The following PROS1 variants were observed in gnomAD, a reference collection of about 807,000 sequenced individuals.
PROS1 encodes the protein protein S, also known as vitamin K-dependent protein S.
A neutral mutation model predicts 75.9 loss-of-function variants in PROS1; 29 were observed. That is an observed-to-expected ratio of 0.38 (90% CI 0.28 to 0.52). The LOEUF is 0.52. Among genes scored for constraint, PROS1 ranks in the 20% least tolerant of loss-of-function variants. PROS1 has a pLI of 0.83. For missense variants in PROS1, 680 were observed against 810.3 expected (o/e 0.84, Z 1.95); for synonymous variants, 245 against 280.6 (o/e 0.87, Z 1.27).
intron 4 of PROS1, 124 bp from the exon 5 acceptor site, chr3:93,906,267 TTAAA>T: frequency 1.9e-6 from 2 of 1,032,190 alleles, no homozygotes; most frequent in Non-Finnish European, 2.8e-6. Flanking sequence ...ACTCCTTTCT[TTAAA>T]TAATACTTTT....
intron 1 of PROS1, among the ~76,000 whole-genome samples, chr3:93,968,735 TAAAG>T (rs1255339147): frequency 6.7e-6 from 1 of 150,252 alleles, no homozygotes; most frequent in African/African-American, 2.4e-5. Flanking sequence ...TGAAAAAAAA[TAAAG>T]AAATAAAAAT....
At chr3:93,884,150 A>C (rs1026667790) in intron 12 of PROS1, among the ~76,000 whole-genome samples, 1 of 152,228 alleles carries the variant, frequency 6.6e-6, no homozygotes, top group Non-Finnish European at 1.5e-5. Context: ...AAGATGCCCA[A>C]ATCTAAACCA....
intron 1 of PROS1, among the ~76,000 whole-genome samples, chr3:93,944,344 G>A (rs566771306): frequency 6.6e-6 from 1 of 152,040 alleles, no homozygotes; most frequent in Non-Finnish European, 1.5e-5. Context: ...AAACTGACTT[G>A]AGAAAAATCA....
chr3:93,934,355 A>T (rs1194604388), intron 1 of PROS1, among the ~76,000 whole-genome samples: 1 of 152,236 alleles, frequency 6.6e-6, no homozygotes, highest in Non-Finnish European at 1.5e-5. Flanking sequence ...GAAGCAATTG[A>T]AAAAATGTGA....
intron 3 of PROS1, among the ~76,000 whole-genome samples, chr3:93,912,950 T>A (rs1708782032): frequency 6.6e-6 from 1 of 152,216 alleles, no homozygotes; most frequent in South Asian, 2.1e-4. Context: ...AAAATTCATG[T>A]CCTTCTCATG....
chr3:93,957,872 C>T (rs945218796), intron 1 of PROS1, among the ~76,000 whole-genome samples: 2 of 151,978 alleles, frequency 1.3e-5, no homozygotes, highest in East Asian at 1.9e-4. Context: ...GGTGGATCAC[C>T]TGGATCAGGA....
chr3:93,952,104 G>C (rs1709508798), intron 1 of PROS1, among the ~76,000 whole-genome samples: 1 of 152,196 alleles, frequency 6.6e-6, no homozygotes, highest in Admixed American at 6.5e-5. Flanking sequence ...GACCTAGAAA[G>C]AGACTTAGAC....
intron 1 of PROS1, among the ~76,000 whole-genome samples, chr3:93,940,849 C>T (rs1709273468): frequency 6.6e-6 from 1 of 152,178 alleles, no homozygotes; most frequent in African/African-American, 2.4e-5. Flanking sequence ...TACAATTCCC[C>T]CATTTTACCT....
chr3:93,906,639 C>T (rs1209039359), intron 4 of PROS1, among the ~76,000 whole-genome samples: 1 of 152,232 alleles, frequency 6.6e-6, no homozygotes, highest in Non-Finnish European at 1.5e-5. Flanking sequence ...CCACTCCTTC[C>T]AAACTGGTGG....
intron 1 of PROS1, among the ~76,000 whole-genome samples, chr3:93,951,679 T>C (rs1238758252): frequency 6.6e-6 from 1 of 152,164 alleles, no homozygotes; most frequent in Non-Finnish European, 1.5e-5. Context: ...AGGAAGAAAC[T>C]GCATCAGCTA....
At chr3:93,902,090 C>T (rs1424480452) in intron 6 of PROS1, among the ~76,000 whole-genome samples, 1 of 151,628 alleles carries the variant, frequency 6.6e-6, no homozygotes, top group African/African-American at 2.4e-5. Flanking sequence ...GTGTTCGAGA[C>T]CAGCCTGAGC....
chr3:93,947,843 C>A (rs574257203), intron 1 of PROS1, among the ~76,000 whole-genome samples: 4 of 152,240 alleles, frequency 2.6e-5, no homozygotes, highest in Non-Finnish European at 4.4e-5. Context: ...GCTGGAATTA[C>A]AGGTGTGAGC....
Position 93,893,057 on chromosome 3 carries a change from A to T in PROS1, c.1031T>A (p.Ile344Asn), listed in dbSNP as rs1056698368. The T allele has an allele frequency of 3.7e-6, 6 of 1,613,934 alleles. No homozygotes were observed. Among genetic ancestry groups the T allele is most frequent in the Non-Finnish European group, 5.1e-6 (6 of 1,179,950 alleles). ...AATCAGGAGCCACGCTGAGTGATCG[A>T]TAGATTCTGCGTACAGTATCACGCC... ...SEGVILYAES[I>N]DHSAWLLIAL... The change falls in exon 10 of 15, where the codon ATC becomes AAC. Residue 344 changes from isoleucine to asparagine, a missense_variant. By Grantham distance (149) the Ile-to-Asn change is moderately radical (BLOSUM62 -3). Transcript: ENST00000394236.
chr3:93,944,803 G>C (rs1392551215), intron 1 of PROS1, among the ~76,000 whole-genome samples: 1 of 151,974 alleles, frequency 6.6e-6, no homozygotes, highest in Non-Finnish European at 1.5e-5. Flanking sequence ...AAATAACTAA[G>C]ATCAGAGCAG....
intron 1 of PROS1, among the ~76,000 whole-genome samples, chr3:93,950,614 T>G (rs1178492315): frequency 6.6e-6 from 1 of 152,238 alleles, no homozygotes; most frequent in Non-Finnish European, 1.5e-5. Flanking sequence ...GACCTGCAGC[T>G]GAGGTTCCTG....
chr3:93,875,787 T>A (rs1435057979), intron 14 of PROS1, among the ~76,000 whole-genome samples: 1 of 152,152 alleles, frequency 6.6e-6, no homozygotes, highest in African/African-American at 2.4e-5. Flanking sequence ...ATGAGCAGTT[T>A]AAGCAGTATA....
intron 2 of PROS1, among the ~76,000 whole-genome samples, 158 bp downstream of exon 2, chr3:93,927,092 G>A (rs1386078522): frequency 2.6e-5 from 4 of 152,188 alleles, no homozygotes; most frequent in Non-Finnish European, 5.9e-5. Flanking sequence ...ACTTTCCTTT[G>A]AAGGTACTTC....
chr3:93,973,477 T>C (rs1182769490), intron 1 of PROS1, 197 bp downstream of exon 1: 6 of 617,510 alleles, frequency 9.7e-6, no homozygotes, highest in Non-Finnish European at 1.5e-5. Context: ...TTCTCGCAAC[T>C]GTGCAAATAG....
At chr3:93,943,930 A>C (rs1289009414) in intron 1 of PROS1, among the ~76,000 whole-genome samples, 1 of 152,104 alleles carries the variant, frequency 6.6e-6, no homozygotes, top group Non-Finnish European at 1.5e-5. Flanking sequence ...CTACCTACCC[A>C]AATCCTATAA....
Sources: allele counts gnomAD v4.1 joint callset (sites outside exome capture counted in the v4.1 genomes callset), GRCh38; gene constraint gnomAD v4.1.1; transcripts MANE v1.5; gene names NCBI Gene and HGNC (gene_info 2026-07-23, HGNC 2026-07-21).